The following LYPD6 variants were observed in gnomAD, a reference collection of about 807,000 sequenced individuals.
LYPD6 encodes ly6/PLAUR domain-containing protein 6.
LYPD6 carries 15 observed loss-of-function variants against 22.7 expected under a neutral mutation model. That is an observed-to-expected ratio of 0.66 (90% confidence interval 0.44 to 1.02). The LOEUF is 1.02. Among genes scored for constraint, LYPD6 ranks in the 50% least tolerant of loss-of-function variants. The pLI is 0.00. For synonymous variants in LYPD6, 72 were observed against 77.5 expected, an observed-to-expected ratio of 0.93 and a Z score of 0.37; for missense variants, 189 against 208.4, an observed-to-expected ratio of 0.91 and a Z score of 0.57.
At chr2:149,481,227 T>C in the LYPD6 span, among the ~76,000 whole-genome samples, 1 of 152,188 alleles carries the variant, frequency 6.6e-6, no homozygotes, top group Non-Finnish European at 1.5e-5. Context: ...GCATCACAGC[T>C]AGTAAGTGAC....
intron 1 of LYPD6, among the ~76,000 whole-genome samples, chr2:149,420,901 G>A (rs764553738): frequency 1.3e-5 from 2 of 152,192 alleles, no homozygotes; most frequent in South Asian, 4.1e-4. Flanking sequence ...CAACTTTGCA[G>A]AAGCATTATA....
chr2:149,366,763 T>C (rs1258109771), intron 1 of LYPD6, among the ~76,000 whole-genome samples: 1 of 152,226 alleles, frequency 6.6e-6, no homozygotes, highest in Non-Finnish European at 1.5e-5. Context: ...AAATGAACCA[T>C]GAATGCTAAC....
At chr2:149,393,383 T>C (rs1573767325) in intron 1 of LYPD6, among the ~76,000 whole-genome samples, 1 of 152,106 alleles carries the variant, frequency 6.6e-6, no homozygotes, top group Non-Finnish European at 1.5e-5. Flanking sequence ...TGGCTTCGGG[T>C]GAGTGTGTGA....
chr2:149,342,083 T>C (rs944761815), intron 1 of LYPD6, among the ~76,000 whole-genome samples: 6 of 152,218 alleles, frequency 3.9e-5, no homozygotes, highest in African/African-American at 1.4e-4. Flanking sequence ...TGTGTCCTTA[T>C]AATGAATACC....
chr2:149,483,627 G>A, the LYPD6 span, among the ~76,000 whole-genome samples: 5 of 152,166 alleles, frequency 3.3e-5, no homozygotes, highest in African/African-American at 1.2e-4. Context: ...AAAAAAAATA[G>A]ATTTTAAATG....
chr2:149,458,144 G>A (rs1681007474), intron 3 of LYPD6, among the ~76,000 whole-genome samples: 1 of 152,142 alleles, frequency 6.6e-6, no homozygotes, highest in Non-Finnish European at 1.5e-5. Context: ...TCCTCAATAG[G>A]CTGTAATGAG....
At chr2:149,371,139 C>T (rs748818783) in intron 1 of LYPD6, among the ~76,000 whole-genome samples, 2 of 152,196 alleles carry the variant, frequency 1.3e-5, no homozygotes, top group African/African-American at 4.8e-5. Context: ...GACCATGGCT[C>T]ACTGCAGCCT....
chr2:149,443,025 C>G (rs956790357), intron 2 of LYPD6, among the ~76,000 whole-genome samples: 2 of 152,134 alleles, frequency 1.3e-5, no homozygotes, highest in Non-Finnish European at 2.9e-5. Flanking sequence ...AGAATTTAAG[C>G]AAAGCTTCAT....
At chr2:149,418,822 C>T (rs980974262) in intron 1 of LYPD6, among the ~76,000 whole-genome samples, 15 of 152,190 alleles carry the variant, frequency 9.9e-5, no homozygotes, top group African/African-American at 3.6e-4. Context: ...CCACTTTCCC[C>T]TACAGTGACA....
intron 1 of LYPD6, among the ~76,000 whole-genome samples, chr2:149,335,067 A>G (rs995065867): frequency 6.6e-6 from 1 of 152,108 alleles, no homozygotes; most frequent in African/African-American, 2.4e-5. Context: ...GATATTAAAC[A>G]CCTATGTTAC....
chr2:149,357,822 G>C (rs532615243), intron 1 of LYPD6, among the ~76,000 whole-genome samples: 1 of 123,962 alleles, frequency 8.1e-6, no homozygotes, highest in African/African-American at 3.1e-5. Flanking sequence ...ACCTCACTCT[G>C]TTGCCCAGGC....
intron 1 of LYPD6, among the ~76,000 whole-genome samples, chr2:149,386,000 A>AT (rs1682175791): frequency 6.6e-6 from 1 of 151,312 alleles, no homozygotes; most frequent in South Asian, 2.1e-4. Flanking sequence ...CAGATTCAGA[A>AT]TCCCCCCCCA....
chr2:149,371,119 CA>C (rs1378992521), intron 1 of LYPD6, among the ~76,000 whole-genome samples: 1 of 152,210 alleles, frequency 6.6e-6, no homozygotes, highest in Non-Finnish European at 1.5e-5. Flanking sequence ...GGTTGAAGAG[CA>C]GGGGGCGAGA....
At chr2:149,352,562 G>A (rs1681377819) in intron 1 of LYPD6, among the ~76,000 whole-genome samples, 2 of 152,280 alleles carry the variant, frequency 1.3e-5, no homozygotes, top group South Asian at 4.1e-4. Flanking sequence ...GCTGGGAAAG[G>A]GGATTCATAC....
chr2:149,341,750 G>T lies in LYPD6; in HGVS notation c.-72+11028G>T. On this transcript the variant is annotated intron_variant, in intron 1 of 4. Coordinates refer to ENST00000334166, the MANE Select transcript of LYPD6 (RefSeq NM_194317.5). ...TTCTAAGATGGCACTTTGTTGCTGT[G>T]TCCTCACACAGGGAAAGACAGAAGA... Among the ~76,000 whole-genome samples the T allele has an allele frequency of 1.3e-5, 2 of 152,198 alleles. 1 individual carries two copies. The highest frequency in any genetic ancestry group is 2.9e-5 in the Non-Finnish European group (2 of 68,034).
intron 3 of LYPD6, among the ~76,000 whole-genome samples, chr2:149,460,170 G>T (rs908301162): frequency 9.9e-5 from 15 of 152,090 alleles, no homozygotes; most frequent in Non-Finnish European, 1.2e-4. Context: ...AACAAAATTT[G>T]TCTTACCATA....
chr2:149,340,795 A>T (rs1248510938), intron 1 of LYPD6, among the ~76,000 whole-genome samples: 3 of 152,340 alleles, frequency 2.0e-5, no homozygotes, highest in South Asian at 4.1e-4. Flanking sequence ...TATATAGACT[A>T]AAATAAATAA....
At chr2:149,437,856 T>A (rs750308483) in intron 2 of LYPD6, 30 bp downstream of exon 2, 1 of 1,608,770 alleles carries the variant, frequency 6.2e-7, no homozygotes, top group Non-Finnish European at 8.5e-7. Flanking sequence ...TGCAGAAATA[T>A]CACTTTATTT....
At chr2:149,338,788 T>C (rs750788316) in intron 1 of LYPD6, among the ~76,000 whole-genome samples, 4 of 152,212 alleles carry the variant, frequency 2.6e-5, no homozygotes, top group Non-Finnish European at 4.4e-5. Context: ...CTAGGAGTCA[T>C]TGTAGATTGT....
Sources: gnomAD v4.1 joint callset for allele counts (sites outside exome capture counted in the v4.1 genomes callset) on GRCh38, gnomAD v4.1.1 for gene constraint, MANE v1.5 for transcripts, NCBI Gene and HGNC (gene_info 2026-07-23, HGNC 2026-07-21) for gene names.